The following MED13L variants were observed in gnomAD, a reference collection of about 807,000 sequenced individuals.
The protein encoded by MED13L is mediator of RNA polymerase II transcription subunit 13-like.
In MED13L, 7 loss-of-function variants were observed where a neutral mutation model predicts 220.9. The observed-to-expected ratio is 0.03, with a 90% CI of 0.02 to 0.06. MED13L has a LOEUF of 0.06. Ranked by LOEUF, MED13L falls within the 10% of genes least tolerant of loss-of-function variation. The probability of loss-of-function intolerance (pLI) is 1.00; values close to 1 mark genes in which losing one functional copy is unlikely to be tolerated. For missense variants in MED13L, 1,965 were observed against 2,760.5 expected, an observed-to-expected ratio of 0.71 and a Z score of 6.46; for synonymous variants, 1,011 against 1,015.2, an observed-to-expected ratio of 1.00 and a Z score of 0.08.
chr12:116,126,536 G>T (rs1875603901), intron 2 of MED13L, among the ~76,000 whole-genome samples: 1 of 152,146 alleles, frequency 6.6e-6, no homozygotes, highest in South Asian at 2.1e-4. Flanking sequence ...TCCAGTTGTA[G>T]TTTTAGCCAT....
At position 116,272,107 on chromosome 12, in the gene MED13L, G is replaced by A. The variant is rs144505724; in HGVS notation, c.72+4953C>T. 1.1e-3 allele frequency among the ~76,000 whole-genome samples: 162 copies of A among 152,090 alleles called. 1 individual carries two copies. Among genetic ancestry groups the A allele is most frequent in the Non-Finnish European group, 2.1e-3 (141 of 67,978 alleles). The stretch of plus-strand genomic sequence containing the variant: ...CTGTTGTCTGTTTCTCTATAAATAT[G>A]TAAATAGTAATATTTACATATTTTC... On this transcript the variant is annotated intron_variant, in intron 1 of 30. Coordinates refer to ENST00000281928, the MANE Select transcript of MED13L (RefSeq NM_015335.5).
At chr12:116,272,183 A>C (rs1873424848) in intron 1 of MED13L, among the ~76,000 whole-genome samples, 1 of 152,266 alleles carries the variant, frequency 6.6e-6, no homozygotes. Context: ...AAATAATTAT[A>C]GAACAAAATT....
chr12:116,152,576 G>A (rs183875110), intron 2 of MED13L, among the ~76,000 whole-genome samples: 2 of 152,280 alleles, frequency 1.3e-5, no homozygotes, highest in African/African-American at 4.8e-5. Flanking sequence ...GAGGGGCATA[G>A]AGGTAAAGAT....
At chr12:116,186,777 A>G (rs1880930274) in intron 2 of MED13L, among the ~76,000 whole-genome samples, 1 of 152,238 alleles carries the variant, frequency 6.6e-6, no homozygotes, top group Non-Finnish European at 1.5e-5. Flanking sequence ...GTAGACACAG[A>G]AACACTGAAG....
chr12:116,265,258 C>T (rs946213194), intron 1 of MED13L, among the ~76,000 whole-genome samples: 1 of 152,168 alleles, frequency 6.6e-6, no homozygotes, highest in Non-Finnish European at 1.5e-5. Context: ...CTATTTAAAG[C>T]ACATATAACC....
At chr12:115,975,090 T>A in intron 25 of MED13L, 81 bp downstream of exon 25, 12 of 1,385,756 alleles carry the variant, frequency 8.7e-6, no homozygotes, top group Non-Finnish European at 1.2e-5. Context: ...ATTTAAACAT[T>A]TTCTCCCTTA....
chr12:116,001,643 C>T (rs1019788535), intron 14 of MED13L, among the ~76,000 whole-genome samples: 8 of 152,162 alleles, frequency 5.3e-5, no homozygotes, highest in Admixed American at 1.3e-4. Context: ...TATGCTCTCA[C>T]GAACACATAT....
At chr12:116,089,796 TCCC>T (rs1023856973) in intron 4 of MED13L, among the ~76,000 whole-genome samples, 4 of 151,856 alleles carry the variant, frequency 2.6e-5, no homozygotes, top group Non-Finnish European at 4.4e-5. Flanking sequence ...GCCATAAAAT[TCCC>T]CCCATGTTAC....
chr12:116,226,059 CT>C (rs35656992), intron 2 of MED13L, among the ~76,000 whole-genome samples: 95,161 of 137,970 alleles, frequency 0.69, 33,508 homozygotes, highest in East Asian at 0.98. Flanking sequence ...TAATTTTTAT[CT>C]TTTTTTTTTT....
Position 115,990,245 on chromosome 12 carries a change from G to A in MED13L, c.3934+775C>T, listed in dbSNP as rs555312504. Among the ~76,000 whole-genome samples the A allele has an allele frequency of 5.9e-5, 9 of 152,306 alleles. 4 individuals are homozygous for A. Among genetic ancestry groups the A allele is most frequent in the African/African-American group, 2.2e-4 (9 of 41,556 alleles). ...CAAATGTTACTACTTCTACAACGAA[G>A]TCTTCTCTGACCTTCAGCCTAGAGT... On this transcript the variant is annotated intron_variant, in intron 17 of 30. Coordinates refer to ENST00000281928, the MANE Select transcript of MED13L (RefSeq NM_015335.5).
At chr12:116,031,744 AGAAAAGAAAAGAAAAGAAGGAAGGAAG>A (rs1566020785) in intron 4 of MED13L, among the ~76,000 whole-genome samples, 8 of 53,096 alleles carry the variant, frequency 1.5e-4, no homozygotes, top group Non-Finnish European at 2.4e-4. Flanking sequence ...AGAAAAGAAA[AGAAAAGAAAAGAAAAGAAGGAAGGAAG>A]GAAGGAAGGA....
intron 4 of MED13L, among the ~76,000 whole-genome samples, chr12:116,078,803 A>G (rs1871014423): frequency 6.6e-6 from 1 of 152,238 alleles, no homozygotes; most frequent in African/African-American, 2.4e-5. Context: ...ATCTACTTTG[A>G]AATTGTCTAA....
At chr12:116,096,897 T>C in intron 3 of MED13L, 145 bp from the exon 4 acceptor site, 1 of 670,554 alleles carries the variant, frequency 1.5e-6, no homozygotes, top group Non-Finnish European at 2.6e-6. Context: ...TTAAAATTTT[T>C]ACGTTATACT....
At chr12:116,252,802 AG>A (rs1387230406) in intron 1 of MED13L, among the ~76,000 whole-genome samples, 1 of 152,080 alleles carries the variant, frequency 6.6e-6, no homozygotes, top group Non-Finnish European at 1.5e-5. Flanking sequence ...TACCAATATC[AG>A]GAAAAAAAAG....
At chr12:115,964,333 G>A (rs1028143104) in intron 29 of MED13L, among the ~76,000 whole-genome samples, 2 of 152,052 alleles carry the variant, frequency 1.3e-5, no homozygotes, top group East Asian at 3.9e-4. Flanking sequence ...AAAATCATGA[G>A]CCAACATGAT....
In MED13L at chr12:116,009,029, G is replaced by A. The variant is rs571694197; in HGVS notation, c.1384C>T (p.Pro462Ser). The change falls in exon 10 of 31, where the codon CCT becomes TCT. Residue 462 changes from proline (P) to serine (S), a missense_variant. Physicochemically the swap from Pro to Ser is moderately conservative, Grantham distance 74 (BLOSUM62 -1). Coordinates refer to ENST00000281928, the MANE Select transcript of MED13L (RefSeq NM_015335.5). ...GCTGTTTTGTGCTTAGAAGAAGCAGGAGGTGGTAAAGATGAAGATGATGAT... is the reference window on the plus strand; with the variant it reads ...GCTGTTTTGTGCTTAGAAGAAGCAGAAGGTGGTAAAGATGAAGATGATGAT... ...GPSSSSSLPP[P>S]ASSKHKTAER... is the part of the protein sequence containing the mutation. 6.2e-7 allele frequency: 1 copy of A among 1,613,954 alleles called. No homozygotes were observed. The highest frequency in any genetic ancestry group is 1.3e-5 in the African/African-American group (1 of 74,908).
intron 25 of MED13L, among the ~76,000 whole-genome samples, chr12:115,974,667 TG>T (rs1456248282): frequency 6.6e-6 from 1 of 152,200 alleles, no homozygotes; most frequent in African/African-American, 2.4e-5. Context: ...CATCAGACAG[TG>T]GCAATGTGAA....
chr12:116,255,985 T>C (rs1035405683), intron 1 of MED13L, among the ~76,000 whole-genome samples: 1 of 152,160 alleles, frequency 6.6e-6, no homozygotes, highest in African/African-American at 2.4e-5. Flanking sequence ...AAAACACTTG[T>C]GGTTCCAAGC....
chr12:116,256,492 GC>G (rs994164923), intron 1 of MED13L, among the ~76,000 whole-genome samples: 3 of 151,964 alleles, frequency 2.0e-5, no homozygotes, highest in African/African-American at 7.2e-5. Context: ...GAACTTTTTT[GC>G]ATCATAAAAA....
Sources: allele counts gnomAD v4.1 joint callset (sites outside exome capture counted in the v4.1 genomes callset), GRCh38; gene constraint gnomAD v4.1.1; transcripts MANE v1.5; gene names NCBI Gene and HGNC (gene_info 2026-07-23, HGNC 2026-07-21).